The following TLN2 variants were observed in gnomAD, a reference collection of about 807,000 sequenced individuals.
TLN2 encodes talin-2.
A neutral mutation model predicts 294.7 loss-of-function variants in TLN2; 118 were observed. The ratio of observed to expected loss-of-function variants is 0.40; its 90% confidence interval spans 0.34 to 0.47. The LOEUF is 0.47. TLN2 is among the 20% of genes least tolerant of loss of function. The probability of loss-of-function intolerance (pLI) is 0.84; values close to 1 mark genes in which losing one functional copy is unlikely to be tolerated. For missense variants in TLN2, 3,083 were observed against 3,282.2 expected, an observed-to-expected ratio of 0.94 and a Z score of 1.48; for synonymous variants, 1,431 against 1,304.5, an observed-to-expected ratio of 1.10 and a Z score of -2.09.
intron 1 of TLN2, among the ~76,000 whole-genome samples, chr15:62,446,633 A>C (rs1047934007): frequency 1.3e-5 from 2 of 151,376 alleles, no homozygotes; most frequent in African/African-American, 2.4e-5. Context: ...TATATAAAAA[A>C]ATGAATGGAA....
chr15:62,446,003 ATTTATT>A (rs1179129051), intron 1 of TLN2, among the ~76,000 whole-genome samples: 1 of 150,910 alleles, frequency 6.6e-6, no homozygotes. Flanking sequence ...TTTTGTATAA[ATTTATT>A]TTTATTTTTA....
intron 3 of TLN2, among the ~76,000 whole-genome samples, chr15:62,633,599 G>A (rs894694292): frequency 3.9e-5 from 6 of 152,186 alleles, no homozygotes; most frequent in Admixed American, 1.3e-4. Context: ...GCCCAGCTAT[G>A]CCTCTGTTTA....
At chr15:62,600,499 A>G (rs1175943824) in intron 2 of TLN2, among the ~76,000 whole-genome samples, 6 of 152,130 alleles carry the variant, frequency 3.9e-5, no homozygotes, top group Non-Finnish European at 8.8e-5. Context: ...TGTTTTCAAC[A>G]ATGGACTCAC....
At chr15:62,832,942 T>C (rs147946757) in intron 54 of TLN2, 6 of 152,324 alleles carry the variant, frequency 3.9e-5, no homozygotes, top group African/African-American at 1.4e-4. Context: ...GTTATTGATG[T>C]TGCTAAAACC....
Position 62,705,783 on chromosome 15 carries a change from C to A in TLN2, c.2005-1303C>A, listed in dbSNP as rs191508937. Among the ~76,000 whole-genome samples the A allele has an allele frequency of 1.6e-3, 246 of 152,332 alleles. 1 individual carries two copies. Among genetic ancestry groups the A allele is most frequent in the African/African-American group, 5.7e-3 (239 of 41,574 alleles). Reference sequence around the variant, plus strand: ...CAATTCCTAAAAGTTGTGTGGTAGACAAGTGCCAGTCAGATCCCAAAGGGA... The same window carrying A: ...CAATTCCTAAAAGTTGTGTGGTAGAAAAGTGCCAGTCAGATCCCAAAGGGA... On this transcript the variant is annotated intron_variant, in intron 19 of 58. Coordinates refer to ENST00000636159, the MANE Select transcript of TLN2 (RefSeq NM_015059.3).
intron 3 of TLN2, chr15:62,638,654 A>G (rs1322088911): frequency 1.3e-5 from 6 of 455,298 alleles, no homozygotes; most frequent in African/African-American, 8.0e-5. Flanking sequence ...GTCTTTTCTC[A>G]TCATTCTTGT....
At chr15:62,597,532 T>C (rs2046634819) in intron 2 of TLN2, among the ~76,000 whole-genome samples, 3 of 152,150 alleles carry the variant, frequency 2.0e-5, no homozygotes, top group South Asian at 4.1e-4. Context: ...GCCCGCTTTG[T>C]TTCTGGAGGT....
chr15:62,689,121 G>C (rs1475957590), intron 12 of TLN2, among the ~76,000 whole-genome samples: 2 of 138,984 alleles, frequency 1.4e-5, no homozygotes, highest in Non-Finnish European at 1.5e-5. Context: ...CCTTTTTAGA[G>C]TTTGTTTGCT....
At chr15:62,596,297 G>T (rs1196110098) in intron 2 of TLN2, among the ~76,000 whole-genome samples, 1 of 144,660 alleles carries the variant, frequency 6.9e-6, no homozygotes, top group Non-Finnish European at 1.5e-5. Context: ...CTTGAAAATT[G>T]CTCAGAGTAG....
chr15:62,840,456 C>T (rs753726267), intron 58 of TLN2, 26 bp from the exon 59 acceptor site: 13 of 1,613,464 alleles, frequency 8.1e-6, no homozygotes, highest in Non-Finnish European at 1.1e-5. Flanking sequence ...GTGTTAGGTC[C>T]ATCCAGCTTG....
chr15:62,796,321 G>T, intron 47 of TLN2, 28 bp downstream of exon 47: 8 of 1,595,302 alleles, frequency 5.0e-6, no homozygotes, highest in Non-Finnish European at 6.8e-6. Context: ...ACGGGGAGAG[G>T]TTCAGGCTGG....
At chr15:62,628,347 A>G (rs750385011) in intron 3 of TLN2, among the ~76,000 whole-genome samples, 2 of 152,252 alleles carry the variant, frequency 1.3e-5, no homozygotes, top group African/African-American at 2.4e-5. Flanking sequence ...TAGGCATCCC[A>G]GGGTGACTTG....
intron 3 of TLN2, among the ~76,000 whole-genome samples, chr15:62,636,249 A>AATAGATAGATAGATAG (rs57713976): frequency 0.013 from 2,016 of 150,120 alleles, 21 homozygotes; most frequent in Non-Finnish European, 0.016. Flanking sequence ...GGGATACTGT[A>AATAGATAGATAGATAG]ATAGATAGAT....
At chr15:62,776,657 C>G in intron 42 of TLN2, 107 bp from the exon 43 acceptor site, 1 of 1,079,124 alleles carries the variant, frequency 9.3e-7, no homozygotes, top group East Asian at 3.2e-5. Flanking sequence ...GATCGCTGTG[C>G]TCCATTGTGG....
intron 1 of TLN2, among the ~76,000 whole-genome samples, chr15:62,425,072 C>T (rs994033185): frequency 1.3e-5 from 2 of 150,594 alleles, no homozygotes; most frequent in African/African-American, 4.9e-5. Context: ...CCTGCCTCAG[C>T]CTCCTGAGTA....
intron 1 of TLN2, among the ~76,000 whole-genome samples, chr15:62,418,467 A>G (rs2034206391): frequency 6.6e-6 from 1 of 152,128 alleles, no homozygotes; most frequent in Non-Finnish European, 1.5e-5. Flanking sequence ...GTTATTGAAC[A>G]CTTGAATTGT....
At chr15:62,786,965 A>G (rs150809419) in intron 45 of TLN2, among the ~76,000 whole-genome samples, 27 of 152,310 alleles carry the variant, frequency 1.8e-4, no homozygotes, top group African/African-American at 6.0e-4. Flanking sequence ...CAGTAGTGCA[A>G]TCACAGCTTA....
chr15:62,544,272 C>A lies in TLN2; in HGVS notation c.-237-45415C>A, dbSNP rs140702026. 2.1e-3 allele frequency among the ~76,000 whole-genome samples: 321 copies of A among 152,296 alleles called. 2 individuals carry two copies. The highest frequency in any genetic ancestry group is 7.2e-3 in the African/African-American group (298 of 41,556). ...AGTCCTGGTTGGTCCAAGCCCAGTTCAGTGCCTCTTCCCTAGTCTCCCCCA... is the reference window on the plus strand; with the variant it reads ...AGTCCTGGTTGGTCCAAGCCCAGTTAAGTGCCTCTTCCCTAGTCTCCCCCA... On this transcript the variant is annotated intron_variant, in intron 1 of 58. Coordinates refer to ENST00000636159, the MANE Select transcript of TLN2 (RefSeq NM_015059.3).
intron 1 of TLN2, among the ~76,000 whole-genome samples, chr15:62,471,053 C>G (rs1418414642): frequency 1.3e-5 from 2 of 152,156 alleles, no homozygotes; most frequent in African/African-American, 2.4e-5. Flanking sequence ...GGGGTAAAAA[C>G]AAACACAAGG....
Sources: allele counts gnomAD v4.1 joint callset (sites outside exome capture counted in the v4.1 genomes callset), GRCh38; gene constraint gnomAD v4.1.1; transcripts MANE v1.5; gene names NCBI Gene and HGNC (gene_info 2026-07-23, HGNC 2026-07-21).